MICU3: variants seen among roughly 807,000 people sequenced by gnomAD.
MICU3 encodes mitochondrial calcium uptake 3, also known as calcium uptake protein 3, mitochondrial.
A neutral mutation model predicts 66.5 loss-of-function variants in MICU3; 62 were observed. The observed-to-expected ratio is 0.93, with a 90% CI of 0.76 to 1.15. The LOEUF (loss-of-function observed/expected upper bound fraction) is 1.15. MICU3 is among the 50% of genes most tolerant of loss of function. MICU3 has a pLI of 0.00. For synonymous variants in MICU3, 308 were observed against 240.7 expected (o/e 1.28, Z -2.59); for missense variants, 779 against 664.4 (o/e 1.17, Z -1.90).
intron 13 of MICU3, 89 bp from the exon 14 acceptor site, chr8:17,118,618 A>G: frequency 1.2e-6 from 1 of 820,704 alleles, no homozygotes; most frequent in Non-Finnish European, 2.0e-6. Flanking sequence ...CACTTCTATG[A>G]GTTTGACTTT....
At chr8:17,128,405 C>T in the MICU3 span, among the ~76,000 whole-genome samples, 484 of 152,272 alleles carry the variant, frequency 3.2e-3, 7 homozygotes, top group African/African-American at 0.011. Flanking sequence ...ATTTAGACTG[C>T]AGAAAATGCA....
chr8:17,057,312 G>C (rs1363029197), intron 1 of MICU3, among the ~76,000 whole-genome samples: 1 of 152,120 alleles, frequency 6.6e-6, no homozygotes, highest in Non-Finnish European at 1.5e-5. Flanking sequence ...GGGATGGGTT[G>C]GTTCTAAGGA....
At chr8:17,028,224 A>C (rs1179316594) in intron 1 of MICU3, among the ~76,000 whole-genome samples, 2 of 152,220 alleles carry the variant, frequency 1.3e-5, no homozygotes, top group Admixed American at 1.3e-4. Flanking sequence ...AAATTGTTCA[A>C]AAAGAGACAT....
Position 17,122,070 on chromosome 8 carries a change from C to T in MICU3, c.*1783C>T, listed in dbSNP as rs1391657175. 1 of 151,668 alleles carries T rather than the reference C, an allele frequency of 6.6e-6. No homozygotes were observed. The highest frequency in any genetic ancestry group is 2.4e-5 in the African/African-American group (1 of 41,374). 9.4% of individuals were successfully genotyped at this position (151,668 alleles called of 1,614,324 possible). On this transcript the variant is annotated 3_prime_UTR_variant, in exon 15 of 15. Coordinates refer to ENST00000318063, the MANE Select transcript of MICU3 (RefSeq NM_181723.3). The stretch of plus-strand genomic sequence containing the variant: ...AATATAGATTAAAAATTAAATTAGC[C>T]CATTGAAATCCTTTATAATTCTGTC...
At chr8:17,126,191 C>G (rs1237736979), downstream of MICU3, among the ~76,000 whole-genome samples, 1 of 152,018 alleles carries the variant, frequency 6.6e-6, no homozygotes, top group African/African-American at 2.4e-5. Flanking sequence ...TCTTATAGTA[C>G]AACCTTGAGA....
chr8:17,051,684 G>A (rs1816110367), intron 1 of MICU3, among the ~76,000 whole-genome samples: 2 of 152,292 alleles, frequency 1.3e-5, no homozygotes, highest in South Asian at 4.2e-4. Flanking sequence ...AATGCTATAA[G>A]AGGAAAACTG....
intron 5 of MICU3, among the ~76,000 whole-genome samples, chr8:17,084,389 A>G (rs532000864): frequency 6.6e-6 from 1 of 152,238 alleles, no homozygotes; most frequent in East Asian, 1.9e-4. Context: ...ACTAGTTAAG[A>G]AAGTAGGACA....
downstream of MICU3, among the ~76,000 whole-genome samples, chr8:17,126,482 A>G (rs1343815474): frequency 4.6e-5 from 7 of 152,234 alleles, no homozygotes; most frequent in Admixed American, 3.3e-4. Flanking sequence ...ATTTAACTCC[A>G]TAGTTACACA....
chr8:17,028,591 A>G (rs1811451586), intron 1 of MICU3, among the ~76,000 whole-genome samples: 1 of 152,186 alleles, frequency 6.6e-6, no homozygotes, highest in Non-Finnish European at 1.5e-5. Context: ...TTCTAATGCA[A>G]TTTTTATAGG....
chr8:17,064,565 G>C (rs1235323329), intron 2 of MICU3, among the ~76,000 whole-genome samples: 2 of 152,044 alleles, frequency 1.3e-5, no homozygotes, highest in Non-Finnish European at 2.9e-5. Flanking sequence ...GGTTAGCCCT[G>C]GGCAAGAATT....
intron 1 of MICU3, among the ~76,000 whole-genome samples, chr8:17,031,544 G>T (rs1252316476): frequency 1.3e-5 from 2 of 151,802 alleles, no homozygotes; most frequent in Non-Finnish European, 2.9e-5. Context: ...GCCTCAGCTT[G>T]CAAAGTGCTG....
chr8:17,039,283 T>G (rs2150516814), intron 1 of MICU3, among the ~76,000 whole-genome samples: 1 of 152,332 alleles, frequency 6.6e-6, no homozygotes, highest in South Asian at 2.1e-4. Flanking sequence ...ATTTGTTTTA[T>G]TGTGGTGGTG....
chr8:17,081,286 A>C (rs1048525177), intron 4 of MICU3, among the ~76,000 whole-genome samples: 2 of 152,138 alleles, frequency 1.3e-5, no homozygotes, highest in East Asian at 3.9e-4. Context: ...ACTAAAAAGT[A>C]ATTAAGCACT....
At chr8:17,118,669 T>C in intron 13 of MICU3, 38 bp from the exon 14 acceptor site, 1 of 1,353,868 alleles carries the variant, frequency 7.4e-7, no homozygotes, top group African/African-American at 1.4e-5. Flanking sequence ...GTATTTGTCT[T>C]TCTGTACATT....
chr8:17,060,761 T>G (rs1032249339), intron 1 of MICU3, among the ~76,000 whole-genome samples: 3 of 152,140 alleles, frequency 2.0e-5, no homozygotes, highest in African/African-American at 7.2e-5. Context: ...ACCAGGCCTC[T>G]GGTTATCTCT....
chr8:17,038,949 T>C (rs1232421479), intron 1 of MICU3, among the ~76,000 whole-genome samples: 1 of 108,890 alleles, frequency 9.2e-6, no homozygotes, highest in Non-Finnish European at 1.7e-5. Flanking sequence ...CGAGACTCTG[T>C]CTCAAAAAAA....
intron 1 of MICU3, among the ~76,000 whole-genome samples, chr8:17,038,427 C>G (rs1813431502): frequency 6.6e-6 from 1 of 152,174 alleles, no homozygotes; most frequent in African/African-American, 2.4e-5. Flanking sequence ...CCTCATTTGC[C>G]TTCTGACATG....
chr8:17,136,268 G>T, the MICU3 span, among the ~76,000 whole-genome samples: 1 of 152,032 alleles, frequency 6.6e-6, no homozygotes, highest in Non-Finnish European at 1.5e-5. Flanking sequence ...GGTATTTTTA[G>T]ATTTCTATGT....
the MICU3 span, among the ~76,000 whole-genome samples, chr8:17,137,994 C>T: frequency 6.6e-6 from 1 of 151,958 alleles, no homozygotes; most frequent in Non-Finnish European, 1.5e-5. Flanking sequence ...GGATTACAGG[C>T]ATGAACCACC....
Sources: gnomAD v4.1 joint callset for allele counts (sites outside exome capture counted in the v4.1 genomes callset) on GRCh38, gnomAD v4.1.1 for gene constraint, MANE v1.5 for transcripts, NCBI Gene and HGNC (gene_info 2026-07-23, HGNC 2026-07-21) for gene names.